The following KALRN variants were observed in gnomAD, a reference collection of about 807,000 sequenced individuals.
The protein encoded by KALRN is kalirin.
A neutral mutation model predicts 353.7 loss-of-function variants in KALRN; 70 were observed. The observed-to-expected ratio is 0.20, with a 90% CI of 0.16 to 0.24. KALRN has a LOEUF of 0.24. KALRN is among the 10% of genes least tolerant of loss of function. The pLI is 1.00. For synonymous variants in KALRN, 1,391 were observed against 1,434.8 expected (o/e 0.97, Z 0.69); for missense variants, 2,791 against 3,756.7 (o/e 0.74, Z 6.72).
intron 34 of KALRN, among the ~76,000 whole-genome samples, chr3:124,566,236 C>G (rs181187670): frequency 6.6e-6 from 1 of 152,296 alleles, no homozygotes; most frequent in East Asian, 1.9e-4. Context: ...CGCAGTGGCT[C>G]ACTCCTGTAA....
At chr3:124,485,858 T>C (rs2062514798) in intron 28 of KALRN, among the ~76,000 whole-genome samples, 1 of 152,134 alleles carries the variant, frequency 6.6e-6, no homozygotes, top group African/African-American at 2.4e-5. Flanking sequence ...CCAGCCTGGG[T>C]GATAGAGCGA....
intron 10 of KALRN, among the ~76,000 whole-genome samples, chr3:124,381,213 G>A (rs1459147980): frequency 6.6e-6 from 1 of 152,168 alleles, no homozygotes; most frequent in Non-Finnish European, 1.5e-5. Flanking sequence ...ATGAATAAGA[G>A]TTGGTCAAAT....
chr3:124,312,493 G>A (rs1191858904), intron 6 of KALRN, among the ~76,000 whole-genome samples: 1 of 151,992 alleles, frequency 6.6e-6, no homozygotes, highest in Admixed American at 6.6e-5. Context: ...CAAATTGTAT[G>A]GTATGTTGAA....
chr3:124,688,446 G>A (rs1233131799), intron 51 of KALRN, among the ~76,000 whole-genome samples: 2 of 151,312 alleles, frequency 1.3e-5, no homozygotes, highest in African/African-American at 2.4e-5. Flanking sequence ...CTTAAAAATT[G>A]TTTTTCTTAT....
At chr3:124,264,211 C>T (rs2073238721) in intron 3 of KALRN, among the ~76,000 whole-genome samples, 1 of 152,134 alleles carries the variant, frequency 6.6e-6, no homozygotes, top group Non-Finnish European at 1.5e-5. Context: ...TGGAGCACTT[C>T]AGATTTTGGA....
chr3:124,595,332 A>G (rs1283701651), intron 34 of KALRN, among the ~76,000 whole-genome samples: 1 of 152,152 alleles, frequency 6.6e-6, no homozygotes, highest in Admixed American at 6.5e-5. Context: ...TTAAATAGTC[A>G]GGATTTCCAG....
chr3:124,435,902 A>G (rs1038221714), intron 17 of KALRN, among the ~76,000 whole-genome samples: 2 of 152,252 alleles, frequency 1.3e-5, no homozygotes, highest in African/African-American at 2.4e-5. Context: ...AAGAAACTAG[A>G]AGAGCCAAAA....
intron 21 of KALRN, among the ~76,000 whole-genome samples, chr3:124,449,886 A>G (rs1395506103): frequency 6.6e-6 from 1 of 152,190 alleles, no homozygotes; most frequent in African/African-American, 2.4e-5. Flanking sequence ...CTTTTGTCCT[A>G]TTATTGCTAA....
At chr3:124,053,094 C>T (rs563591959) in intron 1 of KALRN, among the ~76,000 whole-genome samples, 7 of 152,164 alleles carry the variant, frequency 4.6e-5, no homozygotes, top group South Asian at 2.1e-4. Flanking sequence ...TGGAGTGCAG[C>T]GGCACAATAG....
intron 6 of KALRN, among the ~76,000 whole-genome samples, chr3:124,322,465 T>C (rs2079436155): frequency 6.6e-6 from 1 of 152,112 alleles, no homozygotes; most frequent in Admixed American, 6.5e-5. Context: ...TGGAAAGGCA[T>C]TGAAGGCTGG....
intron 10 of KALRN, among the ~76,000 whole-genome samples, chr3:124,355,118 T>C (rs944727175): frequency 6.6e-6 from 1 of 152,208 alleles, no homozygotes; most frequent in Admixed American, 6.5e-5. Context: ...AGCAAAGGGT[T>C]CTATGTGGTA....
chr3:124,658,471 A>G lies in KALRN; in HGVS notation c.6077A>G (p.Lys2026Arg), dbSNP rs1184376917. Residue 2026 changes from lysine (K) to arginine (R), a missense_variant, in exon 42 of 60, where the codon AAG (lysine) becomes AGG (arginine). By Grantham distance (26) the Lys-to-Arg change is conservative. Transcript: ENST00000682506. ...LHIYVWYCQN[K>R]PRSEYIVAEY... The stretch of plus-strand genomic sequence containing the variant: ...ATCTACGTGTGGTATTGTCAGAATA[A>G]GCCGCGCTCAGAGTACATCGTTGCT... 6.2e-7 allele frequency: 1 copy of G among 1,614,180 alleles called. No homozygotes were observed. Among genetic ancestry groups the G allele is most frequent in the South Asian group, 1.1e-5 (1 of 91,078 alleles).
rs115428428 is a variant in KALRN, at chr3:124,280,701, T to G, written c.969+11446T>G. On this transcript the variant is annotated intron_variant, in intron 5 of 59. Transcript: ENST00000682506. Reference sequence around the variant, plus strand: ...AAGAGTTTGCCCACCCAGAGAATGATGTTCTCTCACTTGAATAGAGAGAGA... The same window carrying G: ...AAGAGTTTGCCCACCCAGAGAATGAGGTTCTCTCACTTGAATAGAGAGAGA... Among the ~76,000 whole-genome samples the G allele has an allele frequency of 1.7e-3, 263 of 152,274 alleles. 1 individual carries two copies. Among genetic ancestry groups the G allele is most frequent in the African/African-American group, 6.0e-3 (250 of 41,548 alleles).
intron 1 of KALRN, among the ~76,000 whole-genome samples, chr3:124,160,999 A>G (rs915769688): frequency 1.3e-5 from 2 of 152,214 alleles, no homozygotes; most frequent in Non-Finnish European, 2.9e-5. Flanking sequence ...GTGAAAAGTA[A>G]TGAAGGTTTC....
At chr3:124,435,019 A>G (rs1053418745) in intron 17 of KALRN, among the ~76,000 whole-genome samples, 2 of 152,184 alleles carry the variant, frequency 1.3e-5, no homozygotes, top group Non-Finnish European at 2.9e-5. Flanking sequence ...TCTCAGGCAC[A>G]TTTATAGTTA....
intron 1 of KALRN, among the ~76,000 whole-genome samples, chr3:124,128,394 A>G (rs1207419716): frequency 6.6e-6 from 1 of 152,206 alleles, no homozygotes; most frequent in Non-Finnish European, 1.5e-5. Context: ...GACCTGAAAA[A>G]GATGGATTTT....
chr3:124,465,734 A>ATTG (rs1392766748), intron 25 of KALRN, among the ~76,000 whole-genome samples: 2 of 152,178 alleles, frequency 1.3e-5, no homozygotes, highest in Non-Finnish European at 2.9e-5. Flanking sequence ...GCAATTAAGC[A>ATTG]TTGTCTAACG....
chr3:124,217,361 T>C (rs879376739), intron 1 of KALRN, among the ~76,000 whole-genome samples: 5 of 152,194 alleles, frequency 3.3e-5, no homozygotes, highest in Non-Finnish European at 7.3e-5. Context: ...TTTCCATGGC[T>C]AATCCATCAG....
intron 1 of KALRN, among the ~76,000 whole-genome samples, chr3:124,141,317 C>T (rs1255158210): frequency 6.6e-6 from 1 of 152,228 alleles, no homozygotes; most frequent in African/African-American, 2.4e-5. Flanking sequence ...CTCACTCTGT[C>T]AGCCACAACT....
Sources: gnomAD v4.1 joint callset for allele counts (sites outside exome capture counted in the v4.1 genomes callset) on GRCh38, gnomAD v4.1.1 for gene constraint, MANE v1.5 for transcripts, NCBI Gene and HGNC (gene_info 2026-07-23, HGNC 2026-07-21) for gene names.